Variants in SMYD3 observed in about 807,000 individuals in gnomAD.
SMYD3 encodes SET and MYND domain containing 3.
SMYD3 carries 36 observed loss-of-function variants against 57.7 expected under a neutral mutation model. The observed-to-expected ratio is 0.62, with a 90% CI of 0.48 to 0.82. The LOEUF is 0.82. Among genes scored for constraint, SMYD3 ranks in the 40% least tolerant of loss-of-function variants. SMYD3 has a pLI of 0.00. For missense variants in SMYD3, 515 were observed against 538.8 expected (o/e 0.96, Z 0.44); for synonymous variants, 211 against 195.0 (o/e 1.08, Z -0.68).
chr1:245,984,209 C>T (rs775168754), intron 5 of SMYD3, among the ~76,000 whole-genome samples: 1 of 152,022 alleles, frequency 6.6e-6, no homozygotes, highest in Non-Finnish European at 1.5e-5. Context: ...GTCACCCAGG[C>T]TGGTTTCAAA....
chr1:246,212,618 C>G (rs988821655), intron 5 of SMYD3, among the ~76,000 whole-genome samples: 1 of 152,062 alleles, frequency 6.6e-6, no homozygotes, highest in African/African-American at 2.4e-5. Flanking sequence ...ATCTATCAGT[C>G]TCATTTGACT....
intron 5 of SMYD3, among the ~76,000 whole-genome samples, chr1:246,283,250 A>G (rs1309218198): frequency 1.3e-5 from 2 of 152,224 alleles, no homozygotes; most frequent in Admixed American, 1.3e-4. Flanking sequence ...TAAGCCAGAG[A>G]TAATAACATT....
At chr1:245,859,420 G>T (rs1278187020) in intron 9 of SMYD3, among the ~76,000 whole-genome samples, 1 of 152,206 alleles carries the variant, frequency 6.6e-6, no homozygotes, top group Non-Finnish European at 1.5e-5. Context: ...CTCAGTAACT[G>T]CCTTTCTGAT....
At chr1:246,309,992 C>CA (rs1370375851) in intron 5 of SMYD3, among the ~76,000 whole-genome samples, 1 of 152,074 alleles carries the variant, frequency 6.6e-6, no homozygotes, top group East Asian at 1.9e-4. Context: ...TCTTCTTCCA[C>CA]AAAAAGGTTC....
intron 5 of SMYD3, among the ~76,000 whole-genome samples, chr1:246,047,285 A>G (rs964660219): frequency 1.3e-5 from 2 of 152,222 alleles, no homozygotes; most frequent in African/African-American, 4.8e-5. Flanking sequence ...AGAAAAGAGA[A>G]TGATTCTAGA....
chr1:246,440,108 T>G (rs888144319), intron 1 of SMYD3, among the ~76,000 whole-genome samples: 1 of 152,178 alleles, frequency 6.6e-6, no homozygotes, highest in Non-Finnish European at 1.5e-5. Context: ...ATTGATGATG[T>G]TGAGTGAGGA....
intron 1 of SMYD3, among the ~76,000 whole-genome samples, chr1:246,422,270 T>A (rs1452596054): frequency 1.3e-5 from 2 of 152,268 alleles, no homozygotes; most frequent in East Asian, 3.9e-4. Context: ...CTTGTTAGGA[T>A]CTTGTTTAGA....
intron 2 of SMYD3, among the ~76,000 whole-genome samples, chr1:246,353,208 A>T (rs567237139): frequency 6.6e-6 from 1 of 152,302 alleles, no homozygotes; most frequent in East Asian, 1.9e-4. Flanking sequence ...TATTGTTTTG[A>T]AATTTCCTAT....
intron 5 of SMYD3, among the ~76,000 whole-genome samples, chr1:246,271,766 T>C (rs2064228144): frequency 6.6e-6 from 1 of 152,206 alleles, no homozygotes; most frequent in Non-Finnish European, 1.5e-5. Context: ...AAGATAACTT[T>C]AGCTATTTGG....
intron 9 of SMYD3, 126 bp downstream of exon 9, chr1:245,863,673 G>A: frequency 1.3e-6 from 1 of 790,062 alleles, no homozygotes. Flanking sequence ...TGTGACCATG[G>A]AACAGAATGA....
chr1:246,398,140 CG>C (rs369604342), intron 1 of SMYD3, among the ~76,000 whole-genome samples: 86 of 152,268 alleles, frequency 5.6e-4, no homozygotes, highest in African/African-American at 2.0e-3. Flanking sequence ...TTGTGATCTC[CG>C]GAACAATGGC....
At chr1:245,910,108 C>G (rs1277675697) in intron 8 of SMYD3, among the ~76,000 whole-genome samples, 1 of 152,060 alleles carries the variant, frequency 6.6e-6, no homozygotes, top group African/African-American at 2.4e-5. Context: ...TCAGTTAAGT[C>G]GCAGGATACA....
chr1:246,063,096 G>A (rs1159521849), intron 5 of SMYD3, among the ~76,000 whole-genome samples: 1 of 152,106 alleles, frequency 6.6e-6, no homozygotes, highest in Non-Finnish European at 1.5e-5. Flanking sequence ...GACTCTCAGG[G>A]CTCGGCACAC....
At chr1:246,046,699 T>C (rs2059972254) in intron 5 of SMYD3, among the ~76,000 whole-genome samples, 1 of 149,014 alleles carries the variant, frequency 6.7e-6, no homozygotes, top group African/African-American at 2.4e-5. Context: ...TAAGAAGAAA[T>C]TTTATATACA....
chr1:246,006,785 A>C (rs946145), intron 5 of SMYD3, among the ~76,000 whole-genome samples: 27,413 of 152,068 alleles, frequency 0.18, 2,738 homozygotes, highest in East Asian at 0.43. Flanking sequence ...CCCCACAGCT[A>C]TATTAACTGT....
At chr1:246,494,158 A>G (rs1409291442) in intron 1 of SMYD3, among the ~76,000 whole-genome samples, 6 of 152,222 alleles carry the variant, frequency 3.9e-5, no homozygotes, top group African/African-American at 1.4e-4. Flanking sequence ...CAAGAGTTGT[A>G]CCTAGAAAAT....
chr1:245,751,013 C>A (rs941000595), intron 11 of SMYD3, among the ~76,000 whole-genome samples: 56 of 152,216 alleles, frequency 3.7e-4, no homozygotes, highest in African/African-American at 1.2e-3. Context: ...AGGTTGAAAA[C>A]AACTGATAGA....
At chr1:246,225,060 T>C (rs1377589233) in intron 5 of SMYD3, among the ~76,000 whole-genome samples, 1 of 151,028 alleles carries the variant, frequency 6.6e-6, no homozygotes, top group African/African-American at 2.4e-5. Flanking sequence ...TTTTTTTTAG[T>C]ATATTGGCAT....
intron 5 of SMYD3, among the ~76,000 whole-genome samples, chr1:246,274,120 G>C (rs545026761): frequency 4.6e-5 from 7 of 151,954 alleles, no homozygotes; most frequent in Admixed American, 4.6e-4. Flanking sequence ...CTGTGTATTC[G>C]AGTCAAAAGA....
Sources: allele counts gnomAD v4.1 joint callset (sites outside exome capture counted in the v4.1 genomes callset), GRCh38; gene constraint gnomAD v4.1.1; transcripts MANE v1.5; gene names NCBI Gene and HGNC (gene_info 2026-07-23, HGNC 2026-07-21).